The following NTNG1 variants were observed in gnomAD, a reference collection of about 807,000 sequenced individuals.
NTNG1 encodes netrin G1.
Under a neutral mutation model 54.0 loss-of-function variants are expected in NTNG1, and 16 were observed. That is an observed-to-expected ratio of 0.30 (90% CI 0.20 to 0.45). The LOEUF (loss-of-function observed/expected upper bound fraction) is 0.45. Among genes scored for constraint, NTNG1 ranks in the 20% least tolerant of loss-of-function variants. NTNG1 has a pLI of 1.00. For missense variants in NTNG1, 530 were observed against 678.7 expected (o/e 0.78, Z 2.43); for synonymous variants, 255 against 263.1 (o/e 0.97, Z 0.30).
At chr1:107,476,182 A>G (rs1357754321) in intron 7 of NTNG1, among the ~76,000 whole-genome samples, 4 of 152,154 alleles carry the variant, frequency 2.6e-5, no homozygotes. Flanking sequence ...TCATACCTTC[A>G]TAGGATCACT....
At chr1:107,351,265 A>G (rs1669581128) in intron 3 of NTNG1, among the ~76,000 whole-genome samples, 1 of 152,212 alleles carries the variant, frequency 6.6e-6, no homozygotes, top group Non-Finnish European at 1.5e-5. Context: ...TCAATTTTAT[A>G]TATGGCTGTT....
intron 6 of NTNG1, among the ~76,000 whole-genome samples, chr1:107,432,888 CT>C (rs2101346784): frequency 1.3e-5 from 2 of 152,044 alleles, no homozygotes; most frequent in African/African-American, 4.8e-5. Context: ...TTTTCCAGTT[CT>C]GAAGTAAACT....
intron 4 of NTNG1, among the ~76,000 whole-genome samples, chr1:107,405,480 G>A (rs540302651): frequency 1.6e-4 from 25 of 152,200 alleles, no homozygotes; most frequent in South Asian, 4.1e-4. Context: ...TAATAGCCTC[G>A]CTTGGTGAGG....
intron 3 of NTNG1, among the ~76,000 whole-genome samples, chr1:107,390,623 T>C (rs1336208799): frequency 6.6e-6 from 1 of 152,238 alleles, no homozygotes; most frequent in Admixed American, 6.5e-5. Context: ...TTTAATTTAG[T>C]ACAATGTCTA....
At chr1:107,326,025 G>A (rs1265904425) in intron 3 of NTNG1, among the ~76,000 whole-genome samples, 1 of 152,024 alleles carries the variant, frequency 6.6e-6, no homozygotes, top group Non-Finnish European at 1.5e-5. Flanking sequence ...GAAACTTTCT[G>A]GTCTGTTAGA....
chr1:107,318,384 AGGTAGTG>A (rs1334784406), intron 2 of NTNG1, among the ~76,000 whole-genome samples: 1 of 152,032 alleles, frequency 6.6e-6, no homozygotes, highest in Non-Finnish European at 1.5e-5. Flanking sequence ...TAAAGCACAG[AGGTAGTG>A]TTGCTGGCAA....
At chr1:107,440,753 C>T (rs899147956) in intron 7 of NTNG1, among the ~76,000 whole-genome samples, 5 of 152,010 alleles carry the variant, frequency 3.3e-5, no homozygotes, top group Non-Finnish European at 5.9e-5. Context: ...CAAAGCTGAC[C>T]CCAAAGCAAT....
At chr1:107,177,941 G>GT (rs1257853133) in intron 2 of NTNG1, among the ~76,000 whole-genome samples, 3 of 152,100 alleles carry the variant, frequency 2.0e-5, no homozygotes, top group Non-Finnish European at 4.4e-5. Flanking sequence ...CCAATTGATT[G>GT]TATCTCTCAA....
At chr1:107,416,243 G>T (rs972784796) in intron 5 of NTNG1, among the ~76,000 whole-genome samples, 1 of 152,020 alleles carries the variant, frequency 6.6e-6, no homozygotes, top group Admixed American at 6.6e-5. Context: ...ATTTTCATAT[G>T]ATGGCTGCTG....
At chr1:107,385,554 T>A (rs1034646592) in intron 3 of NTNG1, among the ~76,000 whole-genome samples, 1 of 151,784 alleles carries the variant, frequency 6.6e-6, no homozygotes, top group African/African-American at 2.4e-5. Context: ...ATCTTTATAC[T>A]GGTGACTGTG....
At chr1:107,282,252 T>G (rs546009191) in intron 2 of NTNG1, among the ~76,000 whole-genome samples, 1 of 152,164 alleles carries the variant, frequency 6.6e-6, no homozygotes, top group Non-Finnish European at 1.5e-5. Flanking sequence ...TATCCAAAAC[T>G]GTTTCAGACC....
intron 7 of NTNG1, among the ~76,000 whole-genome samples, chr1:107,474,210 C>A (rs1482185189): frequency 6.6e-6 from 1 of 152,138 alleles, no homozygotes; most frequent in Non-Finnish European, 1.5e-5. Context: ...TGACATAGGA[C>A]ACTCTAAGAC....
intron 7 of NTNG1, among the ~76,000 whole-genome samples, chr1:107,463,713 T>A (rs555409156): frequency 6.6e-6 from 1 of 152,308 alleles, no homozygotes; most frequent in Non-Finnish European, 1.5e-5. Context: ...TTGCAAGATT[T>A]TTTTTCAGTT....
intron 2 of NTNG1, among the ~76,000 whole-genome samples, chr1:107,155,606 A>G (rs924423122): frequency 2.0e-5 from 3 of 152,086 alleles, no homozygotes; most frequent in African/African-American, 7.2e-5. Flanking sequence ...TGACTCTTTA[A>G]GTGGGTCACT....
intron 2 of NTNG1, 97 bp downstream of exon 2, chr1:107,148,936 G>A: frequency 1.6e-6 from 2 of 1,253,076 alleles, no homozygotes; most frequent in East Asian, 2.3e-5. Context: ...CATGCAATAA[G>A]TTGAATCTGC....
chr1:107,187,771 G>C (rs1006975929), intron 2 of NTNG1, among the ~76,000 whole-genome samples: 4 of 152,090 alleles, frequency 2.6e-5, no homozygotes, highest in African/African-American at 9.7e-5. Context: ...ACTGCCTCAG[G>C]TGTCGGCAAG....
intron 3 of NTNG1, among the ~76,000 whole-genome samples, chr1:107,370,637 C>T (rs1452477006): frequency 1.3e-5 from 2 of 151,974 alleles, no homozygotes; most frequent in Non-Finnish European, 2.9e-5. Flanking sequence ...AGTCACTTCA[C>T]TTAGAATAAT....
At chr1:107,152,556 A>G (rs1208171411) in intron 2 of NTNG1, among the ~76,000 whole-genome samples, 2 of 152,206 alleles carry the variant, frequency 1.3e-5, no homozygotes, top group African/African-American at 4.8e-5. Flanking sequence ...AGACGCTTTG[A>G]AAAGGAGCCT....
intron 2 of NTNG1, among the ~76,000 whole-genome samples, chr1:107,271,448 G>A (rs557339018): frequency 7.0e-4 from 107 of 151,964 alleles, no homozygotes; most frequent in Non-Finnish European, 1.1e-3. Flanking sequence ...TCCATATTCA[G>A]CTTATAAATA....
Sources: allele counts gnomAD v4.1 joint callset (sites outside exome capture counted in the v4.1 genomes callset), GRCh38; gene constraint gnomAD v4.1.1; transcripts MANE v1.5; gene names NCBI Gene and HGNC (gene_info 2026-07-23, HGNC 2026-07-21).